The following PAK1 variants were observed in gnomAD, a reference collection of about 807,000 sequenced individuals.
PAK1 encodes p21 (RAC1) activated kinase 1, also known as serine/threonine-protein kinase PAK 1.
A neutral mutation model predicts 67.4 loss-of-function variants in PAK1; 29 were observed. The ratio of observed to expected loss-of-function variants is 0.43; its 90% confidence interval spans 0.32 to 0.59. The LOEUF (loss-of-function observed/expected upper bound fraction) is 0.59. Among genes scored for constraint, PAK1 ranks in the 20% least tolerant of loss-of-function variants. The pLI is 0.07. For synonymous variants in PAK1, 223 were observed against 237.4 expected (o/e 0.94, Z 0.56); for missense variants, 337 against 670.7 (o/e 0.50, Z 5.50).
intron 5 of PAK1, among the ~76,000 whole-genome samples, chr11:77,372,507 G>A (rs1356331152): frequency 6.6e-6 from 1 of 152,192 alleles, no homozygotes; most frequent in Non-Finnish European, 1.5e-5. Flanking sequence ...ATCAATATGT[G>A]TAAAAATGAC....
At chr11:77,467,046 C>T (rs958903904) in intron 1 of PAK1, among the ~76,000 whole-genome samples, 2 of 152,206 alleles carry the variant, frequency 1.3e-5, no homozygotes, top group Admixed American at 6.5e-5. Context: ...CCCCACTTTA[C>T]ACCCTATCTT....
chr11:77,490,058 G>A, the PAK1 span, among the ~76,000 whole-genome samples: 28 of 150,388 alleles, frequency 1.9e-4, no homozygotes, highest in Non-Finnish European at 3.1e-4. Flanking sequence ...GTCTCTGCCC[G>A]GCCGCCCATC....
chr11:77,326,711 ACT>A (rs1277358337), intron 14 of PAK1, among the ~76,000 whole-genome samples: 1 of 151,964 alleles, frequency 6.6e-6, no homozygotes. Context: ...AAAACTGGAA[ACT>A]CTAAAAATCA....
intron 1 of PAK1, among the ~76,000 whole-genome samples, chr11:77,437,612 C>A (rs892949299): frequency 6.6e-6 from 1 of 152,046 alleles, no homozygotes; most frequent in African/African-American, 2.4e-5. Context: ...TAGCCACTAC[C>A]GGCATCTAGC....
At chr11:77,405,732 C>T (rs1953452310) in intron 1 of PAK1, among the ~76,000 whole-genome samples, 1 of 151,416 alleles carries the variant, frequency 6.6e-6, no homozygotes, top group African/African-American at 2.4e-5. Context: ...TTGACACCCA[C>T]ATCCTCCTCC....
At position 77,323,098 on chromosome 11, in the gene PAK1, T is replaced by C; in HGVS notation, c.*176A>G. 1 of 1,136,610 alleles carries C rather than the reference T, an allele frequency of 8.8e-7. No homozygotes were observed. The highest frequency in any genetic ancestry group is 1.3e-6 in the Non-Finnish European group (1 of 777,518). 70.4% of individuals were successfully genotyped at this position (1,136,610 alleles called of 1,614,324 possible). On this transcript the variant is annotated 3_prime_UTR_variant, in exon 15 of 15. Coordinates refer to ENST00000356341, the MANE Select transcript of PAK1 (RefSeq NM_002576.5). ...GCCATCATCTGATTAGTCATTCAGTTGCAGTTCTCTTCAATGCTGGACACA... is the reference window on the plus strand; with the variant it reads ...GCCATCATCTGATTAGTCATTCAGTCGCAGTTCTCTTCAATGCTGGACACA...
chr11:77,344,693 C>T (rs1162581698), intron 9 of PAK1, among the ~76,000 whole-genome samples: 1 of 152,196 alleles, frequency 6.6e-6, no homozygotes, highest in Non-Finnish European at 1.5e-5. Context: ...GACTTGCATA[C>T]ATAGCTATTC....
At chr11:77,477,567 C>CAAAAAAA (rs61075974), upstream of PAK1, among the ~76,000 whole-genome samples, 16 of 84,162 alleles carry the variant, frequency 1.9e-4, no homozygotes, top group African/African-American at 7.4e-4. Flanking sequence ...ACCATCTCTA[C>CAAAAAAA]AAAAAAAAAA....
intron 1 of PAK1, among the ~76,000 whole-genome samples, chr11:77,409,188 T>C (rs1954119028): frequency 6.6e-6 from 1 of 152,108 alleles, no homozygotes; most frequent in South Asian, 2.1e-4. Flanking sequence ...AGGAGACTGC[T>C]TGAGCCTAGG....
intron 1 of PAK1, among the ~76,000 whole-genome samples, chr11:77,442,384 C>G (rs1487066274): frequency 6.6e-6 from 1 of 152,186 alleles, no homozygotes; most frequent in African/African-American, 2.4e-5. Flanking sequence ...GATTACTCTC[C>G]TCTCTCTTGG....
the PAK1 span, among the ~76,000 whole-genome samples, chr11:77,509,022 A>G: frequency 8.9e-5 from 13 of 145,894 alleles, no homozygotes; most frequent in East Asian, 6.8e-4. Flanking sequence ...TGTAATCCCA[A>G]CACTTTGGGA....
At chr11:77,408,532 TACACACACACAC>T (rs377689850) in intron 1 of PAK1, among the ~76,000 whole-genome samples, 26 of 137,844 alleles carry the variant, frequency 1.9e-4, no homozygotes, top group African/African-American at 3.7e-4. Context: ...TATGGAGAAA[TACACACACACAC>T]ACACACACAC....
the PAK1 span, among the ~76,000 whole-genome samples, chr11:77,523,420 C>CTTT: frequency 2.1e-5 from 3 of 140,318 alleles, no homozygotes; most frequent in Admixed American, 7.2e-5. Flanking sequence ...ATGCTTTCTA[C>CTTT]TTTTTTTTTT....
chr11:77,422,486 C>A (rs1471747273), intron 1 of PAK1, among the ~76,000 whole-genome samples: 1 of 150,332 alleles, frequency 6.7e-6, no homozygotes, highest in Non-Finnish European at 1.5e-5. Context: ...ACCCAGGAGG[C>A]GGAGGTTGCA....
chr11:77,410,409 G>C (rs1457958297), intron 1 of PAK1, among the ~76,000 whole-genome samples: 1 of 152,192 alleles, frequency 6.6e-6, no homozygotes. Flanking sequence ...TAAAGAGAGA[G>C]AATGGTCCTG....
At chr11:77,357,702 C>T (rs1315937606) in intron 6 of PAK1, among the ~76,000 whole-genome samples, 1 of 152,092 alleles carries the variant, frequency 6.6e-6, no homozygotes, top group Non-Finnish European at 1.5e-5. Flanking sequence ...ATCTCAGCTG[C>T]TTCTTCTATA....
At chr11:77,428,375 A>G (rs1955666711) in intron 1 of PAK1, among the ~76,000 whole-genome samples, 1 of 152,094 alleles carries the variant, frequency 6.6e-6, no homozygotes, top group Admixed American at 6.5e-5. Flanking sequence ...CATCCTGGCT[A>G]GCGCGGTGAA....
chr11:77,405,548 C>A, intron 1 of PAK1, among the ~76,000 whole-genome samples: 1 of 146,168 alleles, frequency 6.8e-6, no homozygotes, highest in Non-Finnish European at 1.5e-5. Flanking sequence ...TTAGATACAG[C>A]ATGTGATTAA....
chr11:77,470,402 C>T (rs1208001540), intron 1 of PAK1, among the ~76,000 whole-genome samples: 1 of 152,124 alleles, frequency 6.6e-6, no homozygotes, highest in Non-Finnish European at 1.5e-5. Context: ...CTTATCATGT[C>T]ATATTATCTC....
Sources: gnomAD v4.1 joint callset for allele counts (sites outside exome capture counted in the v4.1 genomes callset) on GRCh38, gnomAD v4.1.1 for gene constraint, MANE v1.5 for transcripts, NCBI Gene and HGNC (gene_info 2026-07-23, HGNC 2026-07-21) for gene names.